The following ARHGAP25 variants were observed in gnomAD, a reference collection of about 807,000 sequenced individuals.
ARHGAP25 encodes rho GTPase-activating protein 25.
In ARHGAP25, 34 loss-of-function variants were observed where a neutral mutation model predicts 71.0. The ratio of observed to expected loss-of-function variants is 0.48; its 90% confidence interval spans 0.36 to 0.64. ARHGAP25 has a LOEUF of 0.64. Ranked by LOEUF, ARHGAP25 falls within the 30% of genes least tolerant of loss-of-function variation. ARHGAP25 has a pLI of 0.00. For missense variants in ARHGAP25, 706 were observed against 805.1 expected (o/e 0.88, Z 1.49); for synonymous variants, 282 against 296.5 (o/e 0.95, Z 0.50).
rs534087154 is a variant in ARHGAP25, at chr2:68,790,292, G to A, written c.466+2336G>A. On this transcript the variant is annotated intron_variant, in intron 4 of 10. Transcript: ENST00000409202. ...GGCATGAGCCACCGTGCCCAGCCAC[G>A]TTTAAAGTTACTAACCAAAATCATA... Among the ~76,000 whole-genome samples the A allele has an allele frequency of 2.1e-4, 32 of 152,252 alleles. No individual in the cohort carries two copies. The South Asian group carries it at 2.7e-3, about 13-fold the overall frequency.
intron 6 of ARHGAP25, among the ~76,000 whole-genome samples, chr2:68,814,613 TTAGA>T (rs923905150): frequency 2.6e-4 from 39 of 152,324 alleles, no homozygotes; most frequent in African/African-American, 9.4e-4. Flanking sequence ...TCAAAATTTA[TTAGA>T]TAGTCTGCTT....
chr2:68,784,710 C>T (rs1406212505), intron 3 of ARHGAP25, among the ~76,000 whole-genome samples: 1 of 152,190 alleles, frequency 6.6e-6, no homozygotes, highest in Non-Finnish European at 1.5e-5. Context: ...ATTCATTGAG[C>T]ACCTCCTATG....
intron 1 of ARHGAP25, among the ~76,000 whole-genome samples, chr2:68,773,418 C>T (rs1391188146): frequency 6.6e-6 from 1 of 152,128 alleles, no homozygotes; most frequent in East Asian, 1.9e-4. Flanking sequence ...TCAAATATCC[C>T]ATGTTCTTAT....
rs186414481 is a variant in ARHGAP25, at chr2:68,779,165, T to G, written c.262-3068T>G. Among the ~76,000 whole-genome samples, 507 of 152,322 alleles carry G rather than the reference T, an allele frequency of 3.3e-3. 4 individuals carry two copies. Among genetic ancestry groups the G allele is most frequent in the Non-Finnish European group, 4.4e-3 (297 of 68,022 alleles). On this transcript the variant is annotated intron_variant, in intron 2 of 10. Coordinates refer to ENST00000409202, the MANE Select transcript of ARHGAP25 (RefSeq NM_001007231.3). ...TGTCTACCAGCGGTGTGCTGGTAGA[T>G]AGTTAACAACTGGCCCTCTGATGGG...
At chr2:68,775,544 A>G in intron 2 of ARHGAP25, 124 bp downstream of exon 2, 1 of 1,462,278 alleles carries the variant, frequency 6.8e-7, no homozygotes, top group Admixed American at 1.9e-5. Flanking sequence ...TTGGAAAGGA[A>G]ATTGCTTTTC....
intron 4 of ARHGAP25, among the ~76,000 whole-genome samples, chr2:68,792,666 C>T (rs574401616): frequency 6.6e-6 from 1 of 152,266 alleles, no homozygotes; most frequent in South Asian, 2.1e-4. Flanking sequence ...TTTCTTCATC[C>T]GATCATCTGT....
chr2:68,726,987 A>G (rs1674899069), intron 2 of ARHGAP25, among the ~76,000 whole-genome samples: 1 of 152,068 alleles, frequency 6.6e-6, no homozygotes, highest in Non-Finnish European at 1.5e-5. Context: ...TGTGCCTTGT[A>G]AATACAGCTT....
At chr2:68,824,287 C>T (rs1340313687) in intron 10 of ARHGAP25, among the ~76,000 whole-genome samples, 2 of 152,094 alleles carry the variant, frequency 1.3e-5, no homozygotes, top group African/African-American at 2.4e-5. Context: ...CTGAATCCAT[C>T]AGTTGGGGAA....
At chr2:68,816,932 A>C (rs2311419) in intron 7 of ARHGAP25, 34,642 of 152,538 alleles carry the variant, frequency 0.23, 4,169 homozygotes, top group East Asian at 0.44. Context: ...AGATATAGCA[A>C]ACAGTAAATG....
intron 1 of ARHGAP25, among the ~76,000 whole-genome samples, chr2:68,756,938 A>G (rs1676515014): frequency 6.6e-6 from 1 of 152,184 alleles, no homozygotes; most frequent in South Asian, 2.1e-4. Context: ...TGGTGTATGC[A>G]TTAAATGAAA....
At chr2:68,768,869 C>G (rs1461119932) in intron 1 of ARHGAP25, among the ~76,000 whole-genome samples, 1 of 152,230 alleles carries the variant, frequency 6.6e-6, no homozygotes, top group African/African-American at 2.4e-5. Context: ...GATTTCCTTT[C>G]TTGCTTCCAT....
chr2:68,771,439 C>T (rs1677483972), intron 1 of ARHGAP25, among the ~76,000 whole-genome samples: 1 of 152,188 alleles, frequency 6.6e-6, no homozygotes. Context: ...TTAATAGTAA[C>T]AGATCTCTTT....
intron 5 of ARHGAP25, among the ~76,000 whole-genome samples, 200 bp from the exon 6 acceptor site, chr2:68,813,087 C>A (rs573541610): frequency 6.6e-6 from 1 of 152,150 alleles, no homozygotes; most frequent in Non-Finnish European, 1.5e-5. Flanking sequence ...GACAGAGGAA[C>A]ATTTATTCAA....
chr2:68,729,886 T>C (rs2104268013), upstream of ARHGAP25, among the ~76,000 whole-genome samples: 1 of 152,364 alleles, frequency 6.6e-6, no homozygotes, highest in Admixed American at 6.5e-5. Flanking sequence ...TTTCTATCTC[T>C]AAGAATTCCC....
rs771627403 is a variant in ARHGAP25 at position 68,819,172 on chromosome 2, A to C, written c.1053A>C (p.Glu351Asp). Reference protein sequence around the residue: ...RVMTMMIRDHEVLFPKSKDIP... With the variant: ...RVMTMMIRDHDVLFPKSKDIP... ...TGACTATGATGATCAGAGACCATGAAGTCCTCTTCCCCAAGTCCAAGGATA... is the reference window on the plus strand; with the variant it reads ...TGACTATGATGATCAGAGACCATGACGTCCTCTTCCCCAAGTCCAAGGATA... The change falls in exon 9 of 11, where the codon GAA (glutamate) becomes GAC (aspartate). Residue 351 changes from glutamate (E) to aspartate (D), a missense_variant. Glu to Asp is a conservative substitution (Grantham distance 45). Coordinates refer to ENST00000409202, the MANE Select transcript of ARHGAP25 (RefSeq NM_001007231.3). 2.5e-6 allele frequency: 4 copies of C among 1,600,554 alleles called. No individual in the cohort carries two copies. In the African/African-American group the frequency reaches 5.4e-5, roughly 22 times the overall value.
chr2:68,724,111 G>A (rs1030009774), intron 2 of ARHGAP25, among the ~76,000 whole-genome samples: 5 of 152,042 alleles, frequency 3.3e-5, no homozygotes, highest in Non-Finnish European at 7.4e-5. Context: ...GAGCCACTGG[G>A]GCCAGAGAGC....
chr2:68,813,475 A>T, intron 6 of ARHGAP25, 56 bp downstream of exon 6: 3 of 1,575,560 alleles, frequency 1.9e-6, no homozygotes, highest in South Asian at 1.1e-5. Flanking sequence ...GGTTTTCTGG[A>T]CACTAATCCA....
chr2:68,793,158 G>A (rs1679309057), intron 4 of ARHGAP25, among the ~76,000 whole-genome samples: 1 of 152,072 alleles, frequency 6.6e-6, no homozygotes, highest in African/African-American at 2.4e-5. Context: ...TGAGCTCCTT[G>A]TAGATTCTGG....
chr2:68,762,999 T>C (rs1676919022), intron 1 of ARHGAP25, among the ~76,000 whole-genome samples: 1 of 152,246 alleles, frequency 6.6e-6, no homozygotes, highest in East Asian at 1.9e-4. Context: ...GGGAAAATAC[T>C]GCATTCTGCA....
Sources: allele counts gnomAD v4.1 joint callset (sites outside exome capture counted in the v4.1 genomes callset), GRCh38; gene constraint gnomAD v4.1.1; transcripts MANE v1.5; gene names NCBI Gene and HGNC (gene_info 2026-07-23, HGNC 2026-07-21).